SLC25A53: variants seen among roughly 807,000 people sequenced by gnomAD.
SLC25A53 encodes the protein solute carrier family 25 member 53, also known as mitochondrial carrier triple repeat protein 6.
In SLC25A53, 5 loss-of-function variants were observed where a neutral mutation model predicts 15.0. The observed-to-expected ratio is 0.33, with a 90% CI of 0.17 to 0.70. SLC25A53 has a LOEUF of 0.70. Ranked by LOEUF, SLC25A53 falls within the 30% of genes least tolerant of loss-of-function variation. The pLI is 0.67. For synonymous variants in SLC25A53, 95 were observed against 100.0 expected (o/e 0.95, Z 0.30); for missense variants, 216 against 241.6 (o/e 0.89, Z 0.70).
chrX:104,136,798 T>A (rs1446427194), intron 1 of SLC25A53, among the ~76,000 whole-genome samples: 1 of 111,882 alleles, frequency 8.9e-6, no homozygotes, highest in Non-Finnish European at 1.9e-5. Context: ...CACCTCTCAT[T>A]GTATTATAAA....
chrX:104,148,853 C>A (rs2075477074), intron 1 of SLC25A53, among the ~76,000 whole-genome samples: 1 of 112,172 alleles, frequency 8.9e-6, no homozygotes. Context: ...AAAAAAAAAT[C>A]TTGTTACTCA....
intron 1 of SLC25A53, among the ~76,000 whole-genome samples, chrX:104,118,489 T>C (rs2075384440): frequency 8.8e-6 from 1 of 113,156 alleles, no homozygotes; most frequent in Non-Finnish European, 1.9e-5. Flanking sequence ...TATTCCAAGC[T>C]TATTACATGC....
chrX:104,156,459 G>A (rs2075501524), intron 1 of SLC25A53, among the ~76,000 whole-genome samples: 1 of 111,246 alleles, frequency 9.0e-6, no homozygotes. Flanking sequence ...TTTTGGTAAG[G>A]GAAATCAATC....
At chrX:104,139,476 C>G (rs1414680320) in intron 1 of SLC25A53, among the ~76,000 whole-genome samples, 2 of 111,756 alleles carry the variant, frequency 1.8e-5, no homozygotes, top group African/African-American at 6.5e-5. Context: ...AAGATTGCAC[C>G]ACTGCACTCC....
intron 1 of SLC25A53, among the ~76,000 whole-genome samples, chrX:104,143,992 G>A (rs2075458613): frequency 1.8e-5 from 2 of 111,260 alleles, no homozygotes; most frequent in African/African-American, 6.6e-5. Flanking sequence ...TTCATATCCA[G>A]CCAAACTAAG....
At chrX:104,149,527 G>A (rs1556369970) in intron 1 of SLC25A53, among the ~76,000 whole-genome samples, 1 of 112,364 alleles carries the variant, frequency 8.9e-6, no homozygotes, top group Non-Finnish European at 1.9e-5. Context: ...CCATAGGCCT[G>A]GGCCTTCTAA....
At chrX:104,142,141 A>G (rs782658302) in intron 1 of SLC25A53, among the ~76,000 whole-genome samples, 1 of 110,984 alleles carries the variant, frequency 9.0e-6, no homozygotes, top group East Asian at 2.8e-4. Context: ...GCTATTTGGG[A>G]GGCTGAGGTG....
chrX:104,114,577 C>A (rs1280055783), intron 1 of SLC25A53: 1 of 1,210,105 alleles, frequency 8.3e-7, no homozygotes, highest in Non-Finnish European at 1.1e-6. Flanking sequence ...AGAGGTGCAG[C>A]TCCAGAATGC....
intron 1 of SLC25A53, among the ~76,000 whole-genome samples, chrX:104,146,520 C>T (rs1227317340): frequency 1.8e-5 from 2 of 111,705 alleles, no homozygotes; most frequent in African/African-American, 6.5e-5. Flanking sequence ...CAAATTGTCC[C>T]TGTTTGCAGA....
intron 1 of SLC25A53, among the ~76,000 whole-genome samples, chrX:104,152,096 C>CT (rs1256903717): frequency 9.0e-6 from 1 of 111,020 alleles, no homozygotes; most frequent in Non-Finnish European, 1.9e-5. Context: ...TTTTATTATA[C>CT]TTTAAGTTTT....
At chrX:104,113,435 C>T (rs2075359517) in intron 1 of SLC25A53, 1 of 110,943 alleles carries the variant, frequency 9.0e-6, no homozygotes, top group African/African-American at 3.3e-5. Context: ...GCGGCACAGT[C>T]TTGAGGCCCT....
intron 1 of SLC25A53, among the ~76,000 whole-genome samples, chrX:104,124,671 T>C (rs1556363814): frequency 9.1e-6 from 1 of 109,537 alleles, no homozygotes; most frequent in Admixed American, 9.8e-5. Flanking sequence ...GGAGGGTCAC[T>C]TGAGCCCAGG....
intron 1 of SLC25A53, among the ~76,000 whole-genome samples, chrX:104,148,026 C>T (rs1227722206): frequency 5.4e-5 from 6 of 111,533 alleles, no homozygotes; most frequent in Admixed American, 3.8e-4. Flanking sequence ...GCATTATTCA[C>T]AATAGCAAAG....
At chrX:104,141,826 G>A (rs782387749) in intron 1 of SLC25A53, among the ~76,000 whole-genome samples, 85 of 111,459 alleles carry the variant, frequency 7.6e-4, no homozygotes, top group Non-Finnish European at 1.3e-3. Context: ...GGGCTCAAGC[G>A]ACCCACCTGC....
At chrX:104,125,146 A>G (rs906952166) in intron 1 of SLC25A53, among the ~76,000 whole-genome samples, 8 of 111,020 alleles carry the variant, frequency 7.2e-5, no homozygotes, top group African/African-American at 9.8e-5. Flanking sequence ...CGCCGGGCCA[A>G]AAAACAACTT....
At chrX:104,141,622 G>C (rs1556367552) in intron 1 of SLC25A53, among the ~76,000 whole-genome samples, 1 of 111,272 alleles carries the variant, frequency 9.0e-6, no homozygotes, top group African/African-American at 3.3e-5. Flanking sequence ...TTTCCAGATA[G>C]AGTCTCACTC....
chrX:104,145,831 A>G (rs2075464816), intron 1 of SLC25A53, among the ~76,000 whole-genome samples: 1 of 112,153 alleles, frequency 8.9e-6, no homozygotes, highest in Non-Finnish European at 1.9e-5. Flanking sequence ...CCTACCAACC[A>G]AAATAAGTTC....
At chrX:104,139,876 G>T (rs1427796095) in intron 1 of SLC25A53, among the ~76,000 whole-genome samples, 2 of 112,839 alleles carry the variant, frequency 1.8e-5, no homozygotes, top group Non-Finnish European at 3.8e-5. Context: ...ATAAAATGTG[G>T]CTTTTAGTAA....
chrX:104,139,057 G>A (rs1445474104), intron 1 of SLC25A53, among the ~76,000 whole-genome samples: 2 of 112,437 alleles, frequency 1.8e-5, no homozygotes, highest in Non-Finnish European at 3.8e-5. Context: ...ATAGGCCCGG[G>A]GGTAGAGGCC....
Sources: allele counts gnomAD v4.1 joint callset (sites outside exome capture counted in the v4.1 genomes callset), GRCh38; gene constraint gnomAD v4.1.1; transcripts MANE v1.5; gene names NCBI Gene and HGNC (gene_info 2026-07-23, HGNC 2026-07-21).